The following ANGPTL5 variants were observed in gnomAD, a reference collection of about 807,000 sequenced individuals.
ANGPTL5 encodes the protein angiopoietin-related protein 5.
In ANGPTL5, 34 loss-of-function variants were observed where a neutral mutation model predicts 39.4. The observed-to-expected ratio is 0.86, with a 90% CI of 0.66 to 1.15. The LOEUF (loss-of-function observed/expected upper bound fraction) is 1.15. ANGPTL5 is among the 50% of genes most tolerant of loss of function. The pLI is 0.00. For synonymous variants in ANGPTL5, 146 were observed against 152.1 expected, an observed-to-expected ratio of 0.96 and a Z score of 0.29; for missense variants, 467 against 457.5, an observed-to-expected ratio of 1.02 and a Z score of -0.19.
chr11:101,895,774 C>T (rs1465808610), intron 7 of ANGPTL5, among the ~76,000 whole-genome samples: 1 of 152,198 alleles, frequency 6.6e-6, no homozygotes, highest in African/African-American at 2.4e-5. Context: ...TTCTACCTCT[C>T]CCTACCCACG....
In ANGPTL5 at chr11:101,902,714, A is replaced by G. The variant is rs1198414610; in HGVS notation, c.447T>C (p.Asp149=). 3.1e-6 allele frequency: 5 copies of G among 1,607,202 alleles called. No individual in the cohort carries two copies. Among genetic ancestry groups the G allele is most frequent in the African/African-American group, 1.3e-5 (1 of 74,886 alleles). ...CAATGGTATCCTTAATATCAGTGCAATCTAAACCTAGAAAAGCAAAATTAT... is the reference window on the plus strand; with the variant it reads ...CAATGGTATCCTTAATATCAGTGCAGTCTAAACCTAGAAAAGCAAAATTAT... The part of the protein sequence containing the change: ...PHRPVQSHGL[D]CTDIKDTIGS... Residue 149 remains aspartate, a synonymous_variant, in exon 6 of 9, where the codon GAT becomes GAC. Coordinates refer to ENST00000334289, the MANE Select transcript of ANGPTL5 (RefSeq NM_178127.5).
intron 1 of ANGPTL5, chr11:101,915,255 G>C (rs190513535): frequency 1.2e-6 from 2 of 1,612,048 alleles, no homozygotes; most frequent in Non-Finnish European, 1.7e-6. Context: ...GGTTCTGGGG[G>C]CGAGCAGACA....
rs1939968357 is a variant in ANGPTL5 at position 101,904,762 on chromosome 11, T to C, written c.439+52A>G. ...AAATGGATCGACCTGTCCAGGAAAA[T>C]TTTAAGCAATAAAAGACAAACATGA... is the stretch of plus-strand genomic sequence containing the variant. On this transcript the variant is annotated intron_variant, in intron 5 of 8. Coordinates refer to ENST00000334289, the MANE Select transcript of ANGPTL5 (RefSeq NM_178127.5). The C allele has an allele frequency of 8.6e-6, 13 of 1,503,384 alleles. No individual in the cohort carries two copies. The South Asian group carries it at 1.4e-4, about 16-fold the overall frequency. 93.1% of individuals were successfully genotyped at this position (1,503,384 alleles called of 1,614,324 possible).
chr11:101,915,197 G>A, intron 1 of ANGPTL5: 7 of 1,574,482 alleles, frequency 4.4e-6, no homozygotes, highest in Non-Finnish European at 6.0e-6. Context: ...ACGGAGTGTA[G>A]GGAGGGGCCG....
intron 7 of ANGPTL5, 36 bp from the exon 8 acceptor site, chr11:101,895,100 T>G (rs199798492): frequency 7.1e-7 from 1 of 1,401,728 alleles, no homozygotes; most frequent in Admixed American, 2.1e-5. Context: ...TATATTTTAA[T>G]ACAAATTAGA....
chr11:101,908,576 C>T (rs1232213169), intron 1 of ANGPTL5, among the ~76,000 whole-genome samples: 1 of 151,982 alleles, frequency 6.6e-6, no homozygotes, highest in Non-Finnish European at 1.5e-5. Flanking sequence ...GTCAGGAGTT[C>T]AAGACCAGCC....
chr11:101,900,671 T>G (rs1939878483), intron 6 of ANGPTL5, 121 bp from the exon 7 acceptor site: 7 of 903,944 alleles, frequency 7.7e-6, no homozygotes, highest in South Asian at 7.3e-5. Flanking sequence ...GAGTTTTCAA[T>G]GCAATCATAT....
chr11:101,905,818 T>A lies in ANGPTL5; in HGVS notation c.271A>T (p.Thr91Ser). 6.2e-7 allele frequency: 1 copy of A among 1,611,434 alleles called. No homozygotes were observed. The highest frequency in any genetic ancestry group is 8.5e-7 in the Non-Finnish European group (1 of 1,178,566). ...CTTAGTAGTTTTTTGGTACTTCTTG[T>A]GTAGGAAACAATAGAATTTTGCAAA... ...RNLQNSIVSY[T>S]RSTKKLLRNM... The change falls in exon 4 of 9, where the codon ACA becomes TCA. Residue 91 changes from threonine (T) to serine (S), a missense_variant. Thr to Ser is a moderately conservative substitution (Grantham distance 58). Transcript: ENST00000334289.
At chr11:101,904,704 A>G in intron 5 of ANGPTL5, 110 bp downstream of exon 5, 1 of 935,910 alleles carries the variant, frequency 1.1e-6, no homozygotes, top group Admixed American at 1.9e-5. Flanking sequence ...TCTGTTAGAG[A>G]ACGGTGAGCT....
chr11:101,904,942 A>G (rs11225057), intron 4 of ANGPTL5, 35 bp from the exon 5 acceptor site: 10 of 1,502,948 alleles, frequency 6.7e-6, no homozygotes. Context: ...GTAAATTTAT[A>G]TTTGAAGAAA....
intron 1 of ANGPTL5, among the ~76,000 whole-genome samples, chr11:101,912,281 G>A (rs1940103126): frequency 6.6e-6 from 1 of 152,208 alleles, no homozygotes; most frequent in Non-Finnish European, 1.5e-5. Flanking sequence ...TGCCCCTTCT[G>A]ATAAAAAATA....
At position 101,891,069 on chromosome 11, in the gene ANGPTL5, A is replaced by G; in HGVS notation, c.*210T>C. 2 of 437,548 alleles carry G rather than the reference A, an allele frequency of 4.6e-6. No homozygotes were observed. Among genetic ancestry groups the G allele is most frequent in the Admixed American group, 7.6e-5 (2 of 26,436 alleles). The allele number at this position is 437,548 out of a possible 1,614,324, so 27.1% of individuals were successfully genotyped here. A position where few individuals can be genotyped will look rare whatever the true frequency, so the allele number is the denominator to read the frequency against. Reference sequence around the variant, plus strand: ...AAACAAATTTCATTGTATATTGTTAATATAGTCAGAAGTAAAAACATACAA... The same window carrying G: ...AAACAAATTTCATTGTATATTGTTAGTATAGTCAGAAGTAAAAACATACAA... On this transcript the variant is annotated 3_prime_UTR_variant, in exon 9 of 9. Coordinates refer to ENST00000334289, the MANE Select transcript of ANGPTL5 (RefSeq NM_178127.5).
chr11:101,909,315 C>T (rs1441767120), intron 1 of ANGPTL5, among the ~76,000 whole-genome samples: 1 of 152,158 alleles, frequency 6.6e-6, no homozygotes, highest in Non-Finnish European at 1.5e-5. Context: ...AGTGCCGGCT[C>T]CAAGACCAGA....
intron 7 of ANGPTL5, among the ~76,000 whole-genome samples, chr11:101,898,165 G>A (rs866514291): frequency 1.9e-4 from 29 of 152,192 alleles, no homozygotes; most frequent in African/African-American, 6.0e-4. Flanking sequence ...AGAGGTTGCA[G>A]TGAGCCAAGA....
At chr11:101,902,171 T>C (rs1360632886) in intron 6 of ANGPTL5, among the ~76,000 whole-genome samples, 1 of 152,122 alleles carries the variant, frequency 6.6e-6, no homozygotes, top group African/African-American at 2.4e-5. Flanking sequence ...TAAAATCATC[T>C]ATCATCAGAA....
At chr11:101,915,057 C>G (rs562134120) in intron 1 of ANGPTL5, 30 of 514,302 alleles carry the variant, frequency 5.8e-5, no homozygotes, top group African/African-American at 5.4e-4. Context: ...TGCTGCCGCC[C>G]CATCTGCTAT....
At chr11:101,899,638 A>C (rs777658280) in intron 7 of ANGPTL5, among the ~76,000 whole-genome samples, 1 of 152,266 alleles carries the variant, frequency 6.6e-6, no homozygotes, top group Non-Finnish European at 1.5e-5. Flanking sequence ...ACTCCAGAGC[A>C]TGGCAGTTAC....
intron 5 of ANGPTL5, among the ~76,000 whole-genome samples, chr11:101,903,093 A>G (rs1939935015): frequency 1.3e-5 from 2 of 152,308 alleles, no homozygotes; most frequent in Middle Eastern, 3.4e-3. Flanking sequence ...GGAAATCTAC[A>G]TGAATAGGGA....
intron 7 of ANGPTL5, among the ~76,000 whole-genome samples, chr11:101,897,750 T>C (rs1347213932): frequency 6.6e-6 from 1 of 152,216 alleles, no homozygotes; most frequent in Non-Finnish European, 1.5e-5. Flanking sequence ...CTGTTTTGGT[T>C]ACTGTAGCCT....
Sources: allele counts gnomAD v4.1 joint callset (sites outside exome capture counted in the v4.1 genomes callset), GRCh38; gene constraint gnomAD v4.1.1; transcripts MANE v1.5; gene names NCBI Gene and HGNC (gene_info 2026-07-23, HGNC 2026-07-21).